NKD2: variants seen among roughly 807,000 people sequenced by gnomAD.
NKD2 encodes the protein NKD inhibitor of Wnt signaling pathway 2.
In NKD2, 43 loss-of-function variants were observed where a neutral mutation model predicts 34.8. The observed-to-expected ratio is 1.24, with a 90% confidence interval of 0.97 to 1.60. NKD2 has a LOEUF of 1.60. Among genes scored for constraint, NKD2 ranks in the 40% most tolerant of loss-of-function variants. NKD2 has a pLI of 0.00. For synonymous variants in NKD2, 278 were observed against 265.1 expected (o/e 1.05, Z -0.47); for missense variants, 675 against 627.1 (o/e 1.08, Z -0.82).
At chr5:1,022,032 G>C (rs1301331984) in intron 3 of NKD2, among the ~76,000 whole-genome samples, 2 of 151,292 alleles carry the variant, frequency 1.3e-5, no homozygotes, top group South Asian at 4.2e-4. Context: ...CTCATAAGGT[G>C]CCCTCCCACC....
At position 1,019,319 on chromosome 5, in the gene NKD2, G is replaced by A. The variant is rs562488903; in HGVS notation, c.141+9759G>A. On this transcript the variant is annotated intron_variant, in intron 3 of 9. Transcript: ENST00000296849. The stretch of plus-strand genomic sequence containing the variant: ...TTCCTGAGACGAGATTGTGTGTCCC[G>A]TAACAAAGATGCGCGTGGTCTTCTC... Among the ~76,000 whole-genome samples the A allele has an allele frequency of 2.0e-3, 308 of 152,274 alleles. 1 individual carries two copies. The highest frequency in any genetic ancestry group is 3.4e-3 in the Non-Finnish European group (232 of 68,024).
chr5:1,033,889 T>C (rs1200397217), intron 5 of NKD2, among the ~76,000 whole-genome samples: 1 of 152,242 alleles, frequency 6.6e-6, no homozygotes, highest in African/African-American at 2.4e-5. Context: ...GACTGGGGTC[T>C]CCGTGTCCAG....
At position 1,008,903 on chromosome 5, in the gene NKD2, C is replaced by T. The variant is rs1755630926; in HGVS notation, c.-155C>T. The stretch of plus-strand genomic sequence containing the variant: ...GGCCGTACCTGGCGCCCCCTGGCTC[C>T]CCCGGCCCCCGCGCGGCGTGGAGCC... On this transcript the variant is annotated 5_prime_UTR_variant, in exon 1 of 10. Coordinates refer to ENST00000296849, the MANE Select transcript of NKD2 (RefSeq NM_033120.4). 2.7e-6 allele frequency: 1 copy of T among 377,042 alleles called. No individual in the cohort carries two copies. The highest frequency in any genetic ancestry group is 4.7e-6 in the Non-Finnish European group (1 of 212,622). 23.4% of individuals were successfully genotyped at this position (377,042 alleles called of 1,614,324 possible).
At chr5:1,034,501 C>T (rs971521516) in intron 6 of NKD2, among the ~76,000 whole-genome samples, 171 bp downstream of exon 6, 21 of 152,088 alleles carry the variant, frequency 1.4e-4, no homozygotes, top group Non-Finnish European at 2.8e-4. Flanking sequence ...GTTTCTGGGC[C>T]GAGCCTGCGC....
rs975675459 is a variant in NKD2, at chr5:1,038,571, C to G, written c.*198C>G. On this transcript the variant is annotated 3_prime_UTR_variant, in exon 10 of 10. Coordinates refer to ENST00000296849, the MANE Select transcript of NKD2 (RefSeq NM_033120.4). This position sits in a 1 kb window ranked among gnomAD's most constrained non-coding sequence, Gnocchi z 4.5. ...GACACGTGGACAAGGCCCAGGCGCC[C>G]TCTGCTCTTCTGCCCTCGATGCCAC... The G allele has an allele frequency of 9.3e-7, 1 of 1,080,522 alleles. No individual in the cohort carries two copies. Among genetic ancestry groups the G allele is most frequent in the African/African-American group, 1.6e-5 (1 of 64,176 alleles). The allele number at this position is 1,080,522 out of a possible 1,614,324, so 66.9% of individuals were successfully genotyped here.
intron 3 of NKD2, among the ~76,000 whole-genome samples, chr5:1,019,501 C>T (rs1157817992): frequency 6.6e-6 from 1 of 152,202 alleles, no homozygotes; most frequent in Admixed American, 6.5e-5. Context: ...ACTGGGCCCT[C>T]CTTTCATCTC....
intron 3 of NKD2, among the ~76,000 whole-genome samples, chr5:1,029,006 C>T (rs1482099637): frequency 6.6e-6 from 1 of 152,170 alleles, no homozygotes; most frequent in East Asian, 1.9e-4. Flanking sequence ...GGCCAGCGGC[C>T]CGGGGGCAGG....
chr5:1,035,223 CGAGT>C (rs1371093925), intron 7 of NKD2, among the ~76,000 whole-genome samples, 162 bp from the exon 8 acceptor site: 1 of 150,576 alleles, frequency 6.6e-6, no homozygotes, highest in African/African-American at 2.5e-5. Flanking sequence ...AATGAGTGAA[CGAGT>C]GAGTTAATGA....
chr5:1,037,974 G>C lies in NKD2; in HGVS notation c.957G>C (p.Thr319=), dbSNP rs201037551. The change falls in exon 10 of 10, where the codon ACG becomes ACC. Residue 319 remains threonine (T), a synonymous_variant. Coordinates refer to ENST00000296849, the MANE Select transcript of NKD2 (RefSeq NM_033120.4). ...ASEPAARALD[T]QPRPKGPEKQ... Reference sequence around the variant, plus strand: ...AGCCTGCTGCCCGGGCCCTGGACACGCAGCCCCGGCCGAAGGGGCCGGAGA... The same window carrying C: ...AGCCTGCTGCCCGGGCCCTGGACACCCAGCCCCGGCCGAAGGGGCCGGAGA... 6.2e-7 allele frequency: 1 copy of C among 1,605,032 alleles called. No homozygotes were observed. Among genetic ancestry groups the C allele is most frequent in the Admixed American group, 1.7e-5 (1 of 59,296 alleles).
At position 1,013,134 on chromosome 5, in the gene NKD2, C is replaced by G. The variant is rs897794901; in HGVS notation, c.141+3574C>G. Among the ~76,000 whole-genome samples, 5 of 152,188 alleles carry G rather than the reference C, an allele frequency of 3.3e-5. No homozygotes were observed. The East Asian group carries it at 9.6e-4, about 29-fold the overall frequency. Reference sequence around the variant, plus strand: ...CCAGCTCTGCATTTGGGGGTGCAAGCCACTCCAAGATGTCCAGGAGAATGG... The same window carrying G: ...CCAGCTCTGCATTTGGGGGTGCAAGGCACTCCAAGATGTCCAGGAGAATGG... On this transcript the variant is annotated intron_variant, in intron 3 of 9. Coordinates refer to ENST00000296849, the MANE Select transcript of NKD2 (RefSeq NM_033120.4).
intron 6 of NKD2, 135 bp from the exon 7 acceptor site, chr5:1,034,621 G>A: frequency 2.0e-6 from 2 of 987,494 alleles, no homozygotes; most frequent in South Asian, 3.1e-5. Flanking sequence ...AGATGCCTGT[G>A]TTGGTTCCTG....
At position 1,020,128 on chromosome 5, in the gene NKD2, GAGA is replaced by G. The variant is rs769511554; in HGVS notation, c.141+10573_141+10575del. On this transcript the variant is annotated intron_variant, in intron 3 of 9. Transcript: ENST00000296849. ...CAAAGACAGTAGCAGGCGTGACTGG[GAGA>G]AGAAAATTAGACCTGCAGATGAGTT... Among the ~76,000 whole-genome samples, 89 of 152,312 alleles carry G rather than the reference GAGA, an allele frequency of 5.8e-4. 1 individual carries two copies. The highest frequency in any genetic ancestry group is 5.6e-3 in the South Asian group (27 of 4,816).
chr5:1,037,676 C>T, intron 9 of NKD2, 129 bp from the exon 10 acceptor site: 2 of 1,537,336 alleles, frequency 1.3e-6, no homozygotes, highest in Non-Finnish European at 8.7e-7. Flanking sequence ...TGACTGCAGA[C>T]TTGGCTAACA....
chr5:1,032,685 G>A (rs1308488084), intron 4 of NKD2, among the ~76,000 whole-genome samples: 1 of 152,216 alleles, frequency 6.6e-6, no homozygotes, highest in African/African-American at 2.4e-5. Context: ...GTGCTGGGAG[G>A]CCAGCAAGCA....
rs1755655939 is a variant in NKD2, at chr5:1,009,372, G to C, written c.62-109G>C. On this transcript the variant is annotated intron_variant, in intron 2 of 9. Coordinates refer to ENST00000296849, the MANE Select transcript of NKD2 (RefSeq NM_033120.4). The surrounding 1 kb of genome is among the most constrained non-coding windows in gnomAD (Gnocchi z 6.9). ...GGGACCCCCACGCCTGCCCCTGCGCGGTCTCCAGGCGATGGGGACACAGCG... is the reference window on the plus strand; with the variant it reads ...GGGACCCCCACGCCTGCCCCTGCGCCGTCTCCAGGCGATGGGGACACAGCG... 8 of 848,846 alleles carry C rather than the reference G, an allele frequency of 9.4e-6. No homozygotes were observed. Among genetic ancestry groups the C allele is most frequent in the African/African-American group, 1.8e-5 (1 of 55,342 alleles). The allele number at this position is 848,846 out of a possible 1,614,324, so 52.6% of individuals were successfully genotyped here. A position where few individuals can be genotyped will look rare whatever the true frequency, so the allele number is the denominator to read the frequency against.
At chr5:1,022,169 T>G (rs553173579) in intron 3 of NKD2, among the ~76,000 whole-genome samples, 3 of 148,286 alleles carry the variant, frequency 2.0e-5, no homozygotes, top group Admixed American at 6.7e-5. Context: ...TCTTCCCACC[T>G]GCTGTGGGTG....
rs553098565 is a variant in NKD2, at chr5:1,034,183, G to T, written c.331-52G>T. ...AAGATCCTTCCCCCTGTGGAGTTGG[G>T]CGTGTTGGCGTGGGTAGGAGGCGAG... On this transcript the variant is annotated intron_variant, in intron 5 of 9. Transcript: ENST00000296849. 1,146 of 1,301,578 alleles carry T rather than the reference G, an allele frequency of 8.8e-4. 6 individuals carry two copies. Among genetic ancestry groups the T allele is most frequent in the South Asian group, 6.3e-3 (512 of 81,356 alleles). 80.6% of individuals were successfully genotyped at this position (1,301,578 alleles called of 1,614,324 possible).
At chr5:1,022,121 T>C (rs1756219264) in intron 3 of NKD2, among the ~76,000 whole-genome samples, 1 of 134,290 alleles carries the variant, frequency 7.4e-6, no homozygotes, top group African/African-American at 2.8e-5. Flanking sequence ...TGCTGGCCCC[T>C]GTCCACCAGT....
At position 1,009,651 on chromosome 5, in the gene NKD2, A is replaced by G. The variant is rs1345635754; in HGVS notation, c.141+91A>G. The G allele has an allele frequency of 7.2e-6, 8 of 1,104,090 alleles. No homozygotes were observed. The highest frequency in any genetic ancestry group is 9.6e-6 in the Non-Finnish European group (8 of 833,428). The allele number at this position is 1,104,090 out of a possible 1,614,324, so 68.4% of individuals were successfully genotyped here. On this transcript the variant is annotated intron_variant, in intron 3 of 9. Transcript: ENST00000296849. This position sits in a 1 kb window ranked among gnomAD's most constrained non-coding sequence, Gnocchi z 6.9. ...AGCTGTTCCTGGTGCCCGCCCGCGG[A>G]CAGGCGAGACGTGGGCCGCCATGGC...
Sources: allele counts gnomAD v4.1 joint callset (sites outside exome capture counted in the v4.1 genomes callset), GRCh38; gene constraint gnomAD v4.1.1; non-coding constraint Gnocchi (gnomAD v3.1); transcripts MANE v1.5; gene names NCBI Gene and HGNC (gene_info 2026-07-23, HGNC 2026-07-21).